Variants in RYR2 observed in about 807,000 individuals in gnomAD.
RYR2 encodes the protein ryanodine receptor 2.
In RYR2, 227 loss-of-function variants were observed where a neutral mutation model predicts 601.1. The observed-to-expected ratio is 0.38, with a 90% confidence interval of 0.34 to 0.42. The LOEUF (loss-of-function observed/expected upper bound fraction) is 0.42. Among genes scored for constraint, RYR2 ranks in the 10% least tolerant of loss-of-function variants. The pLI is 1.00. For synonymous variants in RYR2, 2,223 were observed against 2,175.1 expected, an observed-to-expected ratio of 1.02 and a Z score of -0.61; for missense variants, 4,646 against 6,156.5, an observed-to-expected ratio of 0.75 and a Z score of 8.21.
intron 85 of RYR2, 79 bp downstream of exon 85, chr1:237,770,966 GT>G: frequency 3.7e-6 from 3 of 805,008 alleles, no homozygotes; most frequent in Non-Finnish European, 5.9e-6. Flanking sequence ...GAGCCTGTTA[GT>G]TCCAATTATG....
chr1:237,735,853 G>A (rs1691095428), intron 79 of RYR2, among the ~76,000 whole-genome samples: 1 of 152,138 alleles, frequency 6.6e-6, no homozygotes, highest in Non-Finnish European at 1.5e-5. Flanking sequence ...TACATGTTCA[G>A]TACAGACACA....
intron 37 of RYR2, among the ~76,000 whole-genome samples, chr1:237,616,249 T>G (rs1448135239): frequency 1.3e-5 from 2 of 152,192 alleles, no homozygotes; most frequent in African/African-American, 4.8e-5. Context: ...CTGTCATGTA[T>G]TTATATCACA....
intron 52 of RYR2, 36 bp from the exon 53 acceptor site, chr1:237,655,785 T>C (rs201526441): frequency 6.5e-6 from 10 of 1,547,470 alleles, no homozygotes; most frequent in Non-Finnish European, 8.7e-6. Context: ...TTTTGCCATA[T>C]AGTAATTTTT....
At chr1:237,601,351 T>C (rs2148507308) in intron 34 of RYR2, among the ~76,000 whole-genome samples, 1 of 152,262 alleles carries the variant, frequency 6.6e-6, no homozygotes, top group South Asian at 2.1e-4. Context: ...AAATACTGCA[T>C]TGCCCACTCA....
At chr1:237,137,804 C>G (rs1040911590) in intron 1 of RYR2, among the ~76,000 whole-genome samples, 13 of 151,930 alleles carry the variant, frequency 8.6e-5, no homozygotes, top group Admixed American at 2.6e-4. Flanking sequence ...TGTTTTTAAC[C>G]TTTCTTATTA....
intron 101 of RYR2, among the ~76,000 whole-genome samples, chr1:237,825,279 A>G (rs1420469945): frequency 6.6e-6 from 1 of 152,226 alleles, no homozygotes; most frequent in Admixed American, 6.5e-5. Context: ...ACAAGGCTAC[A>G]GTAACAAAAA....
rs557535494 is a variant in RYR2 at position 237,200,831 on chromosome 1, A to G, written c.49-69666A>G. Among the ~76,000 whole-genome samples, 4 of 152,228 alleles carry G rather than the reference A, an allele frequency of 2.6e-5. No individual in the cohort carries two copies. In the East Asian group the frequency reaches 7.7e-4, roughly 29 times the overall value. On this transcript the variant is annotated intron_variant, in intron 1 of 104. Coordinates refer to ENST00000366574, the MANE Select transcript of RYR2 (RefSeq NM_001035.3). ...TGAATTTGGTTTAAAGGAACCTCAA[A>G]TTTTCCATCGATTGCTAAAGTTATG...
At chr1:237,172,498 GA>G (rs1677520337) in intron 1 of RYR2, among the ~76,000 whole-genome samples, 1 of 150,488 alleles carries the variant, frequency 6.6e-6, no homozygotes, top group Non-Finnish European at 1.5e-5. Context: ...ATACCTGTTT[GA>G]TTTTTTTTTT....
chr1:237,223,896 T>C (rs1358781739), intron 1 of RYR2, among the ~76,000 whole-genome samples: 1 of 152,210 alleles, frequency 6.6e-6, no homozygotes, highest in African/African-American at 2.4e-5. Flanking sequence ...GGCAAAACTT[T>C]TTCAGGTGAC....
chr1:237,165,138 T>G (rs562173783), intron 1 of RYR2, among the ~76,000 whole-genome samples: 1 of 152,114 alleles, frequency 6.6e-6, no homozygotes, highest in South Asian at 2.1e-4. Flanking sequence ...TTTTTTTTTT[T>G]GTAGAGATGG....
At chr1:237,385,809 C>T (rs532954925) in intron 8 of RYR2, among the ~76,000 whole-genome samples, 2 of 152,138 alleles carry the variant, frequency 1.3e-5, no homozygotes, top group East Asian at 1.9e-4. Context: ...TCTCCACATA[C>T]GTGTTTACTG....
intron 1 of RYR2, among the ~76,000 whole-genome samples, chr1:237,185,051 G>C (rs1679201661): frequency 6.6e-6 from 1 of 151,836 alleles, no homozygotes; most frequent in Non-Finnish European, 1.5e-5. Context: ...ATTTTTTGTA[G>C]AGGTAGGATC....
At chr1:237,753,529 T>C (rs1028596587) in intron 80 of RYR2, among the ~76,000 whole-genome samples, 5 of 152,232 alleles carry the variant, frequency 3.3e-5, no homozygotes, top group Non-Finnish European at 7.3e-5. Context: ...ATATTCGACC[T>C]TGGAAAAACC....
chr1:237,715,753 C>T (rs900748185), intron 71 of RYR2, among the ~76,000 whole-genome samples: 5 of 151,996 alleles, frequency 3.3e-5, no homozygotes, highest in Non-Finnish European at 5.9e-5. Context: ...TTGGGGATGT[C>T]GCTTTGCTGA....
rs554292785 is a variant in RYR2, at chr1:237,178,412, G to T, written c.49-92085G>T. 3.4e-4 allele frequency among the ~76,000 whole-genome samples: 45 copies of T among 132,954 alleles called. No homozygotes were observed. In the South Asian group the frequency reaches 0.012, roughly 35 times the overall value. 87.2% of individuals were successfully genotyped at this position (132,954 alleles called of 152,430 possible). A position where few individuals can be genotyped will look rare whatever the true frequency, so the allele number is the denominator to read the frequency against. On this transcript the variant is annotated intron_variant, in intron 1 of 104. Transcript: ENST00000366574. ...GTAGTTAAGGCTCTTTTGTAGTTAA[G>T]GCTCTGTGTGTGTGTGTGTGTGTGT... is the stretch of plus-strand genomic sequence containing the variant.
chr1:237,679,841 G>A (rs934480591), intron 61 of RYR2, among the ~76,000 whole-genome samples: 2 of 152,142 alleles, frequency 1.3e-5, no homozygotes, highest in East Asian at 1.9e-4. Context: ...GGAAGAGCAC[G>A]CCAGACAGAG....
intron 35 of RYR2, 42 bp downstream of exon 35, chr1:237,602,153 A>T (rs772649889): frequency 6.9e-7 from 1 of 1,445,028 alleles, no homozygotes; most frequent in South Asian, 1.2e-5. Context: ...TATTTTTTCT[A>T]TTAGGATATA....
intron 13 of RYR2, among the ~76,000 whole-genome samples, chr1:237,442,955 T>A (rs1192936449): frequency 1.3e-5 from 2 of 152,240 alleles, no homozygotes; most frequent in Non-Finnish European, 2.9e-5. Context: ...AAAACTTTTA[T>A]GTATGTTTGG....
intron 2 of RYR2, among the ~76,000 whole-genome samples, chr1:237,283,436 A>C (rs1435974000): frequency 1.3e-5 from 2 of 152,158 alleles, no homozygotes; most frequent in Non-Finnish European, 2.9e-5. Flanking sequence ...GGCGTTTCTC[A>C]AATTATGAAA....
Sources: allele counts gnomAD v4.1 joint callset (sites outside exome capture counted in the v4.1 genomes callset), GRCh38; gene constraint gnomAD v4.1.1; transcripts MANE v1.5; gene names NCBI Gene and HGNC (gene_info 2026-07-23, HGNC 2026-07-21).